SPAG16: variants seen among roughly 807,000 people sequenced by gnomAD.
SPAG16 encodes the protein sperm associated antigen 16, also known as sperm-associated antigen 16 protein.
SPAG16 carries 86 observed loss-of-function variants against 80.4 expected under a neutral mutation model. The ratio of observed to expected loss-of-function variants is 1.07; its 90% CI spans 0.90 to 1.28. The LOEUF is 1.28. Among genes scored for constraint, SPAG16 ranks in the 50% most tolerant of loss-of-function variants. The pLI is 0.00. For synonymous variants in SPAG16, 294 were observed against 265.9 expected (o/e 1.11, Z -1.03); for missense variants, 870 against 765.3 (o/e 1.14, Z -1.61).
intron 10 of SPAG16, among the ~76,000 whole-genome samples, chr2:213,513,547 T>G (rs1339069948): frequency 6.6e-6 from 1 of 152,206 alleles, no homozygotes; most frequent in East Asian, 1.9e-4. Context: ...TCTTTCTAAT[T>G]TTGTAATACT....
At chr2:213,589,560 T>A (rs1000613131) in intron 10 of SPAG16, among the ~76,000 whole-genome samples, 3 of 152,164 alleles carry the variant, frequency 2.0e-5, no homozygotes, top group Non-Finnish European at 4.4e-5. Flanking sequence ...ACATTTCCTG[T>A]GCCAGGGTAG....
chr2:213,805,741 T>G (rs747757921), intron 10 of SPAG16, among the ~76,000 whole-genome samples: 1 of 152,208 alleles, frequency 6.6e-6, no homozygotes, highest in Non-Finnish European at 1.5e-5. Flanking sequence ...CCTTTCAAAT[T>G]TCTTAAAGAG....
At chr2:213,995,975 G>A (rs1254623449) in intron 12 of SPAG16, among the ~76,000 whole-genome samples, 1 of 152,090 alleles carries the variant, frequency 6.6e-6, no homozygotes, top group East Asian at 1.9e-4. Context: ...CCTTGTCCTT[G>A]AAAGCTTCCC....
chr2:213,780,603 G>C (rs373463079), intron 10 of SPAG16, among the ~76,000 whole-genome samples: 2 of 148,518 alleles, frequency 1.3e-5, no homozygotes, highest in Non-Finnish European at 3.0e-5. Context: ...GGTGAGCGGG[G>C]GTGAATCTCA....
intron 13 of SPAG16, among the ~76,000 whole-genome samples, chr2:214,041,896 A>G (rs974050776): frequency 1.4e-5 from 2 of 147,724 alleles, no homozygotes; most frequent in African/African-American, 4.9e-5. Flanking sequence ...ATTTATATAT[A>G]GTCTGTGTAT....
chr2:213,510,701 A>G (rs73988525), intron 10 of SPAG16, among the ~76,000 whole-genome samples: 4,176 of 152,230 alleles, frequency 0.027, 88 homozygotes, highest in African/African-American at 0.051. Flanking sequence ...TACAGGCATA[A>G]TTTTTTAATC....
intron 9 of SPAG16, among the ~76,000 whole-genome samples, chr2:213,404,363 T>C (rs1293610461): frequency 1.3e-5 from 2 of 151,982 alleles, no homozygotes; most frequent in Non-Finnish European, 2.9e-5. Flanking sequence ...AACAGAGATA[T>C]AGACCAATGG....
At chr2:213,771,361 CA>C (rs2069236966) in intron 10 of SPAG16, among the ~76,000 whole-genome samples, 1 of 151,978 alleles carries the variant, frequency 6.6e-6, no homozygotes, top group Non-Finnish European at 1.5e-5. Flanking sequence ...AGACATTTAT[CA>C]AATGGTTAGA....
intron 1 of SPAG16, among the ~76,000 whole-genome samples, chr2:213,285,659 G>T (rs181996544): frequency 6.6e-6 from 1 of 152,280 alleles, no homozygotes; most frequent in African/African-American, 2.4e-5. Context: ...ACTACAGAGA[G>T]CTTTGAAGAA....
At chr2:214,075,353 A>G (rs1054267256) in intron 13 of SPAG16, among the ~76,000 whole-genome samples, 5 of 152,124 alleles carry the variant, frequency 3.3e-5, no homozygotes, top group African/African-American at 4.8e-5. Context: ...ATTATGTACA[A>G]TAGTACATAA....
At chr2:213,739,680 C>T (rs924116464) in intron 10 of SPAG16, among the ~76,000 whole-genome samples, 8 of 152,198 alleles carry the variant, frequency 5.3e-5, no homozygotes, top group African/African-American at 1.9e-4. Context: ...CGGCTCACTG[C>T]AACCTCTCCC....
chr2:213,354,675 T>A (rs1229987673), intron 7 of SPAG16, among the ~76,000 whole-genome samples: 1 of 152,254 alleles, frequency 6.6e-6, no homozygotes, highest in Non-Finnish European at 1.5e-5. Flanking sequence ...GTTGGCTGCA[T>A]AAATGTCTTC....
intron 10 of SPAG16, among the ~76,000 whole-genome samples, chr2:213,532,524 C>A (rs1004096398): frequency 6.8e-6 from 1 of 147,794 alleles, no homozygotes; most frequent in Non-Finnish European, 1.5e-5. Context: ...TTAAGTGTTG[C>A]CATCTCGGCT....
At chr2:213,516,074 C>T (rs562190126) in intron 10 of SPAG16, among the ~76,000 whole-genome samples, 3 of 152,150 alleles carry the variant, frequency 2.0e-5, no homozygotes, top group South Asian at 2.1e-4. Flanking sequence ...CCTATAAAGC[C>T]GGATGATATT....
intron 13 of SPAG16, among the ~76,000 whole-genome samples, chr2:214,070,491 C>T (rs532473195): frequency 6.6e-6 from 1 of 152,108 alleles, no homozygotes; most frequent in South Asian, 2.1e-4. Flanking sequence ...CATAGATCTT[C>T]GTAGCTTTAA....
rs547808267 is a variant in SPAG16, at chr2:213,413,537, T to C, written c.942+38418T>C. On this transcript the variant is annotated intron_variant, in intron 9 of 15. Coordinates refer to ENST00000331683, the MANE Select transcript of SPAG16 (RefSeq NM_024532.5). Reference sequence around the variant, plus strand: ...ACTGTCATATGAAATTTAAGAACTTTCTTATAACTATTGAGAGGACTACAT... The same window carrying C: ...ACTGTCATATGAAATTTAAGAACTTCCTTATAACTATTGAGAGGACTACAT... Among the ~76,000 whole-genome samples the C allele has an allele frequency of 5.3e-4, 80 of 152,264 alleles. 1 individual carries two copies. Among genetic ancestry groups the C allele is most frequent in the African/African-American group, 1.8e-3 (73 of 41,574 alleles).
intron 10 of SPAG16, among the ~76,000 whole-genome samples, chr2:213,686,114 G>T (rs1461824755): frequency 1.3e-5 from 2 of 151,994 alleles, no homozygotes; most frequent in Non-Finnish European, 2.9e-5. Flanking sequence ...TCCTCTATGT[G>T]TTACTTTATT....
chr2:213,783,056 C>A (rs1441793131), intron 10 of SPAG16, among the ~76,000 whole-genome samples: 2 of 124,148 alleles, frequency 1.6e-5, no homozygotes, highest in Admixed American at 9.6e-5. Context: ...CCTCCCCCGA[C>A]CCCACCACAG....
chr2:213,294,858 C>G (rs1022402735), intron 1 of SPAG16, among the ~76,000 whole-genome samples: 2 of 152,172 alleles, frequency 1.3e-5, no homozygotes, highest in African/African-American at 4.8e-5. Context: ...ACCTAAACAT[C>G]TGGGCTCTTT....
Sources: gnomAD v4.1 joint callset for allele counts (sites outside exome capture counted in the v4.1 genomes callset) on GRCh38, gnomAD v4.1.1 for gene constraint, MANE v1.5 for transcripts, NCBI Gene and HGNC (gene_info 2026-07-23, HGNC 2026-07-21) for gene names.